The following RAD51B variants were observed in gnomAD, a reference collection of about 807,000 sequenced individuals.
The protein encoded by RAD51B is RAD51 paralog B.
RAD51B carries 38 observed loss-of-function variants against 42.2 expected under a neutral mutation model. That is an observed-to-expected ratio of 0.90 (90% CI 0.70 to 1.18). The LOEUF is 1.18. Ranked by LOEUF, RAD51B falls within the 50% of genes most tolerant of loss-of-function variation. The probability of loss-of-function intolerance (pLI) is 0.00; values close to 1 mark genes in which losing one functional copy is unlikely to be tolerated. For missense variants in RAD51B, 373 were observed against 400.7 expected (o/e 0.93, Z 0.59); for synonymous variants, 154 against 145.2 (o/e 1.06, Z -0.43).
intron 7 of RAD51B, among the ~76,000 whole-genome samples, chr14:67,966,929 GA>G (rs1475743643): frequency 3.3e-5 from 5 of 152,046 alleles, no homozygotes; most frequent in Non-Finnish European, 7.4e-5. Context: ...AATTAGAAGA[GA>G]AAAAAATTTT....
chr14:67,923,968 T>C (rs1452062519), intron 7 of RAD51B, among the ~76,000 whole-genome samples: 1 of 152,218 alleles, frequency 6.6e-6, no homozygotes, highest in Non-Finnish European at 1.5e-5. Flanking sequence ...TGCATTTCCC[T>C]GATTATTAGT....
At chr14:68,030,180 T>C (rs2076019638) in intron 7 of RAD51B, among the ~76,000 whole-genome samples, 1 of 152,196 alleles carries the variant, frequency 6.6e-6, no homozygotes, top group Non-Finnish European at 1.5e-5. Flanking sequence ...TGGTTTCAAC[T>C]TAAAGTCACC....
At chr14:68,425,379 G>T (rs1370416400) in intron 9 of RAD51B, among the ~76,000 whole-genome samples, 1 of 152,250 alleles carries the variant, frequency 6.6e-6, no homozygotes, top group East Asian at 1.9e-4. Context: ...GGTAGGACCT[G>T]TAAGAGGTGA....
At chr14:67,980,118 G>A (rs1301865291) in intron 7 of RAD51B, among the ~76,000 whole-genome samples, 1 of 151,984 alleles carries the variant, frequency 6.6e-6, no homozygotes, top group Non-Finnish European at 1.5e-5. Context: ...TTCTATTACT[G>A]TAGCATCTTA....
intron 10 of RAD51B, among the ~76,000 whole-genome samples, chr14:68,473,246 A>G (rs1296225850): frequency 6.6e-6 from 1 of 152,220 alleles, no homozygotes; most frequent in Non-Finnish European, 1.5e-5. Flanking sequence ...AGAGCCCTGG[A>G]ACTCAATGGA....
chr14:68,415,942 T>C (rs1449109708), intron 9 of RAD51B, among the ~76,000 whole-genome samples: 2 of 152,196 alleles, frequency 1.3e-5, no homozygotes, highest in African/African-American at 4.8e-5. Context: ...TATGACTCTC[T>C]TATTTCAACA....
At chr14:67,901,415 C>T (rs577281843) in intron 7 of RAD51B, among the ~76,000 whole-genome samples, 7 of 152,306 alleles carry the variant, frequency 4.6e-5, no homozygotes, top group African/African-American at 1.7e-4. Flanking sequence ...TTCTCATTAG[C>T]TACAGGGACA....
At chr14:68,376,294 C>A (rs373149982) in intron 8 of RAD51B, among the ~76,000 whole-genome samples, 19 of 152,314 alleles carry the variant, frequency 1.2e-4, no homozygotes, top group Non-Finnish European at 1.6e-4. Context: ...CCAAACCACA[C>A]ACTGAAACTA....
In RAD51B at chr14:67,885,864, C is replaced by A; in HGVS notation, c.453-5C>A. 2 of 1,600,750 alleles carry A rather than the reference C, an allele frequency of 1.2e-6. No individual in the cohort carries two copies. The highest frequency in any genetic ancestry group is 8.5e-7 in the Non-Finnish European group (1 of 1,171,328). On this transcript the variant is annotated splice_region_variant and splice_polypyrimidine_tract_variant and intron_variant, in intron 5 of 10. Coordinates refer to ENST00000471583, the MANE Select transcript of RAD51B (RefSeq NM_133510.4). ...TTTCGTTTGTGCTATTTTTTTCACC[C>A]ACAGACTGGTTGAAATAGCAGAATC...
chr14:68,291,872 G>T lies in RAD51B; in HGVS notation c.757-12G>T. 1 of 1,603,930 alleles carries T rather than the reference G, an allele frequency of 6.2e-7. No homozygotes were observed. The highest frequency in any genetic ancestry group is 2.2e-5 in the East Asian group (1 of 44,752). On this transcript the variant is annotated splice_polypyrimidine_tract_variant and intron_variant, in intron 7 of 10. Coordinates refer to ENST00000471583, the MANE Select transcript of RAD51B (RefSeq NM_133510.4). ...CCCTTGCCCCCTACCCCTTCTCCCT[G>T]TCTGTTCACAGGTTATCTTGACGAA...
chr14:68,012,355 C>A (rs576201274), intron 7 of RAD51B, among the ~76,000 whole-genome samples: 71 of 152,032 alleles, frequency 4.7e-4, no homozygotes, highest in African/African-American at 1.7e-3. Context: ...TGGTGCACAG[C>A]GTGTTATTGT....
intron 7 of RAD51B, among the ~76,000 whole-genome samples, chr14:68,188,664 G>A (rs916500142): frequency 2.6e-5 from 4 of 152,150 alleles, no homozygotes; most frequent in African/African-American, 9.7e-5. Flanking sequence ...ATGGAATTTA[G>A]AGGTGATGCT....
At chr14:68,297,031 C>T (rs2081627993) in intron 8 of RAD51B, among the ~76,000 whole-genome samples, 1 of 152,100 alleles carries the variant, frequency 6.6e-6, no homozygotes, top group Non-Finnish European at 1.5e-5. Flanking sequence ...ATTTCATGTG[C>T]AAGAGAAAGT....
intron 4 of RAD51B, among the ~76,000 whole-genome samples, chr14:67,862,786 T>G (rs2139982641): frequency 6.6e-6 from 1 of 152,254 alleles, no homozygotes; most frequent in African/African-American, 2.4e-5. Context: ...TTGCTCTACT[T>G]AAAATGGTAA....
intron 7 of RAD51B, among the ~76,000 whole-genome samples, chr14:68,271,129 A>G (rs942597252): frequency 6.6e-6 from 1 of 152,206 alleles, no homozygotes; most frequent in Admixed American, 6.5e-5. Flanking sequence ...CATAGTAATG[A>G]TCACTTTCTA....
intron 7 of RAD51B, among the ~76,000 whole-genome samples, chr14:68,280,089 G>A (rs1247580285): frequency 2.0e-5 from 3 of 152,216 alleles, no homozygotes; most frequent in Non-Finnish European, 4.4e-5. Flanking sequence ...GGCCAAGACA[G>A]AAATAGAACC....
At chr14:68,067,775 CAA>C (rs1445325895) in intron 7 of RAD51B, among the ~76,000 whole-genome samples, 1 of 150,082 alleles carries the variant, frequency 6.7e-6, no homozygotes. Context: ...ACAAAAAATA[CAA>C]AAAAATTAGC....
intron 7 of RAD51B, among the ~76,000 whole-genome samples, chr14:68,086,153 T>TG (rs1173661579): frequency 6.6e-6 from 1 of 152,098 alleles, no homozygotes; most frequent in African/African-American, 2.4e-5. Flanking sequence ...TCTCAGCAGA[T>TG]GGGGGAAGCC....
At chr14:67,825,408 C>A (rs1458924341) in intron 2 of RAD51B, 56 bp from the exon 3 acceptor site, 2 of 1,254,312 alleles carry the variant, frequency 1.6e-6, no homozygotes, top group Non-Finnish European at 2.3e-6. Flanking sequence ...TTCCTTTTAA[C>A]TCTAGTATCT....
Sources: gnomAD v4.1 joint callset for allele counts (sites outside exome capture counted in the v4.1 genomes callset) on GRCh38, gnomAD v4.1.1 for gene constraint, MANE v1.5 for transcripts, NCBI Gene and HGNC (gene_info 2026-07-23, HGNC 2026-07-21) for gene names.